Variants in SPEN observed in about 807,000 individuals in gnomAD.
SPEN encodes msx2-interacting protein.
Under a neutral mutation model 269.9 loss-of-function variants are expected in SPEN, and 18 were observed. The observed-to-expected ratio is 0.07, with a 90% confidence interval of 0.05 to 0.10. The LOEUF is 0.10. Among genes scored for constraint, SPEN ranks in the 10% least tolerant of loss-of-function variants. SPEN has a pLI of 1.00. For missense variants in SPEN, 3,822 were observed against 4,631.2 expected, an observed-to-expected ratio of 0.83 and a Z score of 5.07; for synonymous variants, 1,726 against 1,765.7, an observed-to-expected ratio of 0.98 and a Z score of 0.56.
At chr1:15,860,697 G>A (rs1306198557) in intron 1 of SPEN, among the ~76,000 whole-genome samples, 1 of 151,688 alleles carries the variant, frequency 6.6e-6, no homozygotes, top group Non-Finnish European at 1.5e-5. Flanking sequence ...CCACCTCCCG[G>A]ATTCAAGCGA....
chr1:15,899,756 C>G (rs979945919), intron 3 of SPEN, among the ~76,000 whole-genome samples: 2 of 151,840 alleles, frequency 1.3e-5, no homozygotes, highest in Non-Finnish European at 2.9e-5. Context: ...GGAGAAATGT[C>G]TTTGAAGTCT....
At chr1:15,893,441 T>C (rs1035586129) in intron 3 of SPEN, among the ~76,000 whole-genome samples, 20 of 152,164 alleles carry the variant, frequency 1.3e-4, no homozygotes, top group Non-Finnish European at 2.2e-4. Flanking sequence ...AGAGAAGTAA[T>C]TATATTTAAG....
intron 1 of SPEN, among the ~76,000 whole-genome samples, chr1:15,856,743 T>C (rs2070392065): frequency 6.6e-6 from 1 of 151,818 alleles, no homozygotes; most frequent in South Asian, 2.1e-4. Context: ...AATTTTTGTG[T>C]TTTTAATAGA....
intron 10 of SPEN, among the ~76,000 whole-genome samples, chr1:15,924,081 A>G (rs1049706377): frequency 2.0e-5 from 3 of 152,200 alleles, no homozygotes; most frequent in African/African-American, 7.2e-5. Flanking sequence ...AAAGCTTCAA[A>G]GATCAATACT....
chr1:15,847,875 G>T lies in SPEN; in HGVS notation c.-193G>T. On this transcript the variant is annotated 5_prime_UTR_variant, in exon 1 of 15. Coordinates refer to ENST00000375759, the MANE Select transcript of SPEN (RefSeq NM_015001.3). ...GGTGGCGGCAGAGCTGAGCTGCGAG[G>T]CCCGAGAGTCAGAACCTGGGGGAGA... 3.6e-6 allele frequency: 1 copy of T among 280,748 alleles called. No individual in the cohort carries two copies. The highest frequency in any genetic ancestry group is 5.8e-5 in the East Asian group (1 of 17,326). The allele number at this position is 280,748 out of a possible 1,614,324, so 17.4% of individuals were successfully genotyped here. A position where few individuals can be genotyped will look rare whatever the true frequency, so the allele number is the denominator to read the frequency against.
At chr1:15,936,365 G>C (rs541330232) in intron 11 of SPEN, 99 bp downstream of exon 11, 1 of 1,420,904 alleles carries the variant, frequency 7.0e-7, no homozygotes, top group Non-Finnish European at 9.2e-7. Context: ...CAGGGGCCAG[G>C]TGTGGTGGCT....
chr1:15,855,348 A>G (rs952957322), intron 1 of SPEN, among the ~76,000 whole-genome samples: 3 of 152,312 alleles, frequency 2.0e-5, no homozygotes, highest in Middle Eastern at 3.4e-3. Flanking sequence ...GTACTTTTAC[A>G]TATAATACAT....
In SPEN at chr1:15,875,284, A is replaced by ATTAG. The variant is rs1456147393; in HGVS notation, c.405-918_405-917insTTAG. On this transcript the variant is annotated intron_variant, in intron 2 of 14. Transcript: ENST00000375759. ...TCACATCCTACTAAATGATTGTTTA[A>ATTAG]GTTAAGCTATTTTGCTAATAGCGAC... Among the ~76,000 whole-genome samples, 8 of 152,296 alleles carry ATTAG rather than the reference A, an allele frequency of 5.3e-5. No homozygotes were observed. The South Asian group carries it at 1.4e-3, about 28-fold the overall frequency.
intron 1 of SPEN, among the ~76,000 whole-genome samples, chr1:15,859,361 T>TTC (rs1553174133): frequency 3.5e-5 from 5 of 144,744 alleles, no homozygotes; most frequent in African/African-American, 1.3e-4. Context: ...TTCTTTTCTT[T>TTC]TTTTTTTTTT....
At chr1:15,866,507 C>A (rs1330770526) in intron 1 of SPEN, among the ~76,000 whole-genome samples, 1 of 152,134 alleles carries the variant, frequency 6.6e-6, no homozygotes, top group Non-Finnish European at 1.5e-5. Context: ...GCGCCTGCCA[C>A]CACACCTGAC....
chr1:15,938,112 T>C (rs1039823671), intron 13 of SPEN, 106 bp downstream of exon 13: 107 of 1,042,630 alleles, frequency 1.0e-4, no homozygotes, highest in Non-Finnish European at 1.4e-4. Context: ...GCATTAACTG[T>C]ATTCTTGTTG....
intron 1 of SPEN, among the ~76,000 whole-genome samples, chr1:15,864,280 T>A (rs2070476371): frequency 6.6e-6 from 1 of 151,922 alleles, no homozygotes; most frequent in Non-Finnish European, 1.5e-5. Context: ...GTGATTCTCG[T>A]GTCTCAGCCT....
At chr1:15,901,497 G>A (rs1182003607) in intron 3 of SPEN, among the ~76,000 whole-genome samples, 2 of 150,710 alleles carry the variant, frequency 1.3e-5, no homozygotes, top group African/African-American at 2.4e-5. Flanking sequence ...AAAAAAAATA[G>A]CTGGGCGTGG....
At position 15,932,576 on chromosome 1, in the gene SPEN, G is replaced by C. The variant is rs1480992273; in HGVS notation, c.6336G>C (p.Arg2112Ser). 1.2e-6 allele frequency: 2 copies of C among 1,601,738 alleles called. No homozygotes were observed. The highest frequency in any genetic ancestry group is 2.7e-5 in the African/African-American group (2 of 74,468). The change falls in exon 11 of 15, where the codon AGG becomes AGC. Residue 2112 changes from arginine to serine, a missense_variant. By Grantham distance (110) the Arg-to-Ser change is moderately radical. Around this residue, in one of 16 missense-constraint regions of SPEN, gnomAD observed 727 missense variants for 737.9 expected, o/e 0.99. Coordinates refer to ENST00000375759, the MANE Select transcript of SPEN (RefSeq NM_015001.3). This position sits in a 1 kb window ranked among gnomAD's most constrained non-coding sequence, Gnocchi z 4.2. ...GGGCTGCAGCACAGGCAGGGGAGAG[G>C]GAATCTGGGGTGGTGGCAGTCTCCC... ...PRGAAAQAGE[R>S]ESGVVAVSPE...
chr1:15,928,542 T>C lies in SPEN; in HGVS notation c.2302T>C (p.Ser768Pro), dbSNP rs1262332795. 1 of 1,614,062 alleles carries C rather than the reference T, an allele frequency of 6.2e-7. No homozygotes were observed. Among genetic ancestry groups the C allele is most frequent in the South Asian group, 1.1e-5 (1 of 91,082 alleles). Reference protein sequence around the residue: ...RSSDRSGSCSSLSPPRYEKLD... With the variant: ...RSSDRSGSCSPLSPPRYEKLD... Reference sequence around the variant, plus strand: ...CTCAGACCGGAGTGGAAGCTGTAGCTCACTCTCCCCTCCAAGATATGAGAA... The same window carrying C: ...CTCAGACCGGAGTGGAAGCTGTAGCCCACTCTCCCCTCCAAGATATGAGAA... The change falls in exon 11 of 15, where the codon TCA becomes CCA. Residue 768 changes from serine to proline, a missense_variant. Coordinates refer to ENST00000375759, the MANE Select transcript of SPEN (RefSeq NM_015001.3). The surrounding 1 kb of genome is among the most constrained non-coding windows in gnomAD (Gnocchi z 5.7).
intron 3 of SPEN, among the ~76,000 whole-genome samples, chr1:15,898,865 A>G (rs2070868544): frequency 6.6e-6 from 1 of 151,874 alleles, no homozygotes; most frequent in South Asian, 2.1e-4. Context: ...ACCCAGCCAA[A>G]ATTTCCTTTC....
chr1:15,892,037 T>G (rs1570013512), intron 3 of SPEN, among the ~76,000 whole-genome samples: 2 of 93,418 alleles, frequency 2.1e-5, no homozygotes, highest in Non-Finnish European at 2.3e-5. Flanking sequence ...TTTTTTTTTT[T>G]GGAGATGGAG....
Position 15,939,092 on chromosome 1 carries a change from T to G in SPEN, c.10864-204T>G, listed in dbSNP as rs2071310125. On this transcript the variant is annotated intron_variant, in intron 14 of 14. Transcript: ENST00000375759. The surrounding 1 kb of genome is among the most constrained non-coding windows in gnomAD (Gnocchi z 4.1). ...TGAGAACACAGGTTTTCCATGAGTTTAAAGATAGGGCCCCAGGGGGTTCCT... is the reference window on the plus strand; with the variant it reads ...TGAGAACACAGGTTTTCCATGAGTTGAAAGATAGGGCCCCAGGGGGTTCCT... 6.6e-6 allele frequency among the ~76,000 whole-genome samples: 1 copy of G among 152,174 alleles called. No homozygotes were observed. Among genetic ancestry groups the G allele is most frequent in the South Asian group, 2.1e-4 (1 of 4,828 alleles).
intron 4 of SPEN, among the ~76,000 whole-genome samples, chr1:15,910,072 T>A (rs2070997868): frequency 7.3e-6 from 1 of 137,186 alleles, no homozygotes; most frequent in Non-Finnish European, 1.5e-5. Flanking sequence ...TGCAGTGAGC[T>A]GAGGTCAGGC....
Sources: gnomAD v4.1 joint callset for allele counts (sites outside exome capture counted in the v4.1 genomes callset) on GRCh38, gnomAD v4.1.1 for gene constraint, gnomAD v4.1.1 regional missense constraint, Gnocchi (gnomAD v3.1) non-coding constraint, MANE v1.5 for transcripts, NCBI Gene and HGNC (gene_info 2026-07-23, HGNC 2026-07-21) for gene names.